GDAP1: variants seen among roughly 807,000 people sequenced by gnomAD.
The protein encoded by GDAP1 is ganglioside induced differentiation associated protein 1, also known as ganglioside-induced differentiation-associated protein 1.
Under a neutral mutation model 40.1 loss-of-function variants are expected in GDAP1, and 34 were observed. That is an observed-to-expected ratio of 0.85 (90% confidence interval 0.64 to 1.13). GDAP1 has a LOEUF of 1.13. Ranked by LOEUF, GDAP1 falls within the 50% of genes most tolerant of loss-of-function variation. The pLI is 0.00. For synonymous variants in GDAP1, 170 were observed against 157.4 expected (o/e 1.08, Z -0.60); for missense variants, 374 against 433.7 (o/e 0.86, Z 1.22).
At chr8:74,354,786 A>G (rs1248693593) in intron 2 of GDAP1, among the ~76,000 whole-genome samples, 2 of 152,220 alleles carry the variant, frequency 1.3e-5, no homozygotes, top group Non-Finnish European at 2.9e-5. Flanking sequence ...TGTTTGGAAT[A>G]GTTGACATTT....
At chr8:74,476,947 A>C (rs919055315) in intron 2 of GDAP1, among the ~76,000 whole-genome samples, 2 of 152,120 alleles carry the variant, frequency 1.3e-5, no homozygotes. Context: ...GTCTCTTTAC[A>C]TAATCCTGTA....
At chr8:74,417,550 G>T (rs1477802064) in intron 2 of GDAP1, among the ~76,000 whole-genome samples, 2 of 149,758 alleles carry the variant, frequency 1.3e-5, no homozygotes, top group Non-Finnish European at 2.9e-5. Context: ...GATTACAGGC[G>T]TGAGCCAATG....
At chr8:74,410,526 C>A (rs1236299385) in intron 2 of GDAP1, among the ~76,000 whole-genome samples, 1 of 150,160 alleles carries the variant, frequency 6.7e-6, no homozygotes, top group Non-Finnish European at 1.5e-5. Context: ...TTAAAATGGG[C>A]TTTTTCTTTG....
chr8:74,374,357 G>A (rs532748231), intron 2 of GDAP1, among the ~76,000 whole-genome samples: 1 of 152,158 alleles, frequency 6.6e-6, no homozygotes, highest in Non-Finnish European at 1.5e-5. Context: ...TGTACCTCCG[G>A]TAGAATGGGA....
At chr8:74,447,020 A>G (rs1200521271) in intron 2 of GDAP1, among the ~76,000 whole-genome samples, 6 of 152,182 alleles carry the variant, frequency 3.9e-5, no homozygotes, top group Admixed American at 6.6e-5. Context: ...AAAAACCACT[A>G]AATTGTACAT....
intron 2 of GDAP1, among the ~76,000 whole-genome samples, chr8:74,428,017 T>A (rs914305026): frequency 6.6e-6 from 1 of 152,192 alleles, no homozygotes; most frequent in South Asian, 2.1e-4. Context: ...GCCTTCTAAA[T>A]CCCCAGAGAC....
intron 2 of GDAP1, among the ~76,000 whole-genome samples, chr8:74,485,889 G>C (rs1806770492): frequency 6.6e-6 from 1 of 152,150 alleles, no homozygotes; most frequent in Admixed American, 6.5e-5. Flanking sequence ...CAAGAATGAG[G>C]AAACATGGCA....
chr8:74,416,373 G>T (rs1805779060), intron 2 of GDAP1, among the ~76,000 whole-genome samples: 1 of 150,104 alleles, frequency 6.7e-6, no homozygotes, highest in Admixed American at 6.6e-5. Context: ...CCTCTTGGCT[G>T]GAGGCCAATA....
intron 2 of GDAP1, among the ~76,000 whole-genome samples, chr8:74,382,093 A>G (rs543331473): frequency 1.3e-5 from 2 of 152,110 alleles, no homozygotes; most frequent in Non-Finnish European, 2.9e-5. Context: ...TCTTGGTACT[A>G]TTATGATTTA....
chr8:74,434,146 G>GT (rs1806060306), intron 2 of GDAP1, among the ~76,000 whole-genome samples: 1 of 152,194 alleles, frequency 6.6e-6, no homozygotes, highest in Non-Finnish European at 1.5e-5. Flanking sequence ...TTGGTATGAA[G>GT]TGATGGTGGC....
At chr8:74,350,999 C>A (rs909862727) in intron 1 of GDAP1, among the ~76,000 whole-genome samples, 6 of 151,926 alleles carry the variant, frequency 3.9e-5, no homozygotes, top group Non-Finnish European at 5.9e-5. Flanking sequence ...GACCCATAAT[C>A]AGGTTTAGGA....
At chr8:74,356,716 A>ATATATTT (rs375377157) in intron 2 of GDAP1, among the ~76,000 whole-genome samples, 14 of 104,362 alleles carry the variant, frequency 1.3e-4, no homozygotes, top group Non-Finnish European at 2.5e-4. Flanking sequence ...ATATATATAT[A>ATATATTT]TTTTTTTTTT....
chr8:74,359,718 G>A (rs747976569), intron 2 of GDAP1, among the ~76,000 whole-genome samples: 1 of 152,204 alleles, frequency 6.6e-6, no homozygotes, highest in Non-Finnish European at 1.5e-5. Context: ...CCTGAAGACA[G>A]TCATGGGGAA....
chr8:74,353,772 A>G (rs868517050), intron 2 of GDAP1, among the ~76,000 whole-genome samples: 1 of 152,234 alleles, frequency 6.6e-6, no homozygotes, highest in Non-Finnish European at 1.5e-5. Flanking sequence ...TGTACATTAA[A>G]GTTTGAGAAT....
chr8:74,454,314 A>G lies in GDAP1; in HGVS notation c.166-34364A>G, dbSNP rs1394985217. ...TATACTTTTTGGATCAGAAATATGC[A>G]TAACTTGGGTTTGGCTTCCATTGGA... On this transcript the variant is annotated intron_variant, in intron 2 of 2. Coordinates refer to the GDAP1 transcript ENST00000523640. Among the ~76,000 whole-genome samples the G allele has an allele frequency of 7.2e-5, 6 of 83,092 alleles. 3 individuals carry two copies. The highest frequency in any genetic ancestry group is 1.0e-4 in the African/African-American group (2 of 19,062). The allele number at this position is 83,092 out of a possible 152,430, so 54.5% of individuals were successfully genotyped here.
At chr8:74,479,662 C>T (rs73331402) in intron 2 of GDAP1, among the ~76,000 whole-genome samples, 10,047 of 152,242 alleles carry the variant, frequency 0.066, 687 homozygotes, top group African/African-American at 0.17. Context: ...TGGACCAGCT[C>T]AGCTAATCCT....
intron 2 of GDAP1, among the ~76,000 whole-genome samples, chr8:74,381,899 A>G (rs1300416837): frequency 6.6e-6 from 1 of 151,984 alleles, no homozygotes; most frequent in Admixed American, 6.6e-5. Context: ...TTTGTATTCC[A>G]TGTTTTATAT....
intron 2 of GDAP1, among the ~76,000 whole-genome samples, chr8:74,389,955 C>T (rs772919025): frequency 3.3e-5 from 5 of 152,058 alleles, no homozygotes; most frequent in Admixed American, 6.6e-5. Flanking sequence ...GTTCAATCTC[C>T]GATGTCTTTT....
intron 2 of GDAP1, among the ~76,000 whole-genome samples, chr8:74,405,585 A>G (rs913290259): frequency 2.7e-5 from 4 of 150,052 alleles, no homozygotes; most frequent in African/African-American, 1.0e-4. Flanking sequence ...ATGCTTTGCT[A>G]GTGTCATCTT....
Sources: gnomAD v4.1 joint callset for allele counts (sites outside exome capture counted in the v4.1 genomes callset) on GRCh38, gnomAD v4.1.1 for gene constraint, MANE v1.5 for transcripts, NCBI Gene and HGNC (gene_info 2026-07-23, HGNC 2026-07-21) for gene names.